NFASC: variants seen among roughly 807,000 people sequenced by gnomAD.
The protein encoded by NFASC is neurofascin homolog.
Under a neutral mutation model 147.5 loss-of-function variants are expected in NFASC, and 43 were observed. That is an observed-to-expected ratio of 0.29 (90% CI 0.23 to 0.38). The LOEUF is 0.38. Among genes scored for constraint, NFASC ranks in the 10% least tolerant of loss-of-function variants. The pLI is 1.00. For synonymous variants in NFASC, 622 were observed against 665.5 expected, an observed-to-expected ratio of 0.93 and a Z score of 1.01; for missense variants, 1,320 against 1,689.0, an observed-to-expected ratio of 0.78 and a Z score of 3.83.
At chr1:204,845,827 A>G (rs1168994672) in intron 1 of NFASC, among the ~76,000 whole-genome samples, 3 of 152,200 alleles carry the variant, frequency 2.0e-5, no homozygotes, top group Non-Finnish European at 4.4e-5. Flanking sequence ...GCTTGAGCCC[A>G]GAAGTTTCAG....
intron 1 of NFASC, among the ~76,000 whole-genome samples, chr1:204,887,147 C>A (rs1015842485): frequency 3.9e-5 from 6 of 152,184 alleles, no homozygotes; most frequent in Admixed American, 2.0e-4. Context: ...TAAACAATAA[C>A]TCCCTATTCC....
At position 204,979,369 on chromosome 1, in the gene NFASC, C is replaced by A. The variant is rs751878525; in HGVS notation, c.1986C>A (p.Val662=). Residue 662 remains valine, a synonymous_variant, in exon 19 of 30, where the codon GTC becomes GTA. Transcript: ENST00000339876. The surrounding 1 kb of genome is among the most constrained non-coding windows in gnomAD (Gnocchi z 6.0). ...DANNSPITDY[V]VQFEEDQFQP... The stretch of plus-strand genomic sequence containing the variant: ...TTTTCCTTGCCCACTCAGACTACGT[C>A]GTCCAGTTTGAAGAAGACCAGTTCC... 1.2e-6 allele frequency: 2 copies of A among 1,613,944 alleles called. No individual in the cohort carries two copies. The highest frequency in any genetic ancestry group is 8.5e-7 in the Non-Finnish European group (1 of 1,179,796).
At chr1:204,934,221 T>C (rs1047461968) in intron 2 of NFASC, among the ~76,000 whole-genome samples, 2 of 151,202 alleles carry the variant, frequency 1.3e-5, no homozygotes, top group South Asian at 4.2e-4. Context: ...AGTTTGGAAG[T>C]TCTGGGGAGA....
At chr1:204,860,284 G>A (rs1258602228) in intron 1 of NFASC, among the ~76,000 whole-genome samples, 1 of 152,170 alleles carries the variant, frequency 6.6e-6, no homozygotes, top group African/African-American at 2.4e-5. Flanking sequence ...CTCCCTGCAG[G>A]GGATCATTTT....
intron 3 of NFASC, chr1:204,948,702 A>G (rs1479874133): frequency 5.8e-6 from 3 of 519,022 alleles, no homozygotes; most frequent in Non-Finnish European, 1.2e-5. Flanking sequence ...TTGGATCTGG[A>G]GATTCCCTGG....
chr1:204,968,799 C>A lies in NFASC; in HGVS notation c.820C>A (p.Pro274Thr). Residue 274 changes from proline (P) to threonine (T), a missense_variant and splice_region_variant, in exon 10 of 30, where the codon CCA (proline) becomes ACA (threonine). Pro to Thr is a conservative substitution (Grantham distance 38). This residue lies in a region of NFASC where 981 missense variants were observed against 1,289.5 expected (regional missense o/e 0.76). Coordinates refer to ENST00000339876, the MANE Select transcript of NFASC (RefSeq NM_001005388.3). The surrounding 1 kb of genome is among the most constrained non-coding windows in gnomAD (Gnocchi z 5.4). ...LLLECIASGV[P>T]TPDIAWYKKG... ...TTTCCTGCTTGGCGCCTCTCCTAGC[C>A]CAACACCAGACATCGCATGGTACAA... The A allele has an allele frequency of 6.2e-7, 1 of 1,612,168 alleles. No individual in the cohort carries two copies. The highest frequency in any genetic ancestry group is 1.1e-5 in the South Asian group (1 of 90,882).
chr1:204,921,842 T>A (rs2090551082), intron 2 of NFASC, among the ~76,000 whole-genome samples: 1 of 149,874 alleles, frequency 6.7e-6, no homozygotes, highest in Non-Finnish European at 1.5e-5. Flanking sequence ...CAGATATAGT[T>A]TTTTTTTTTA....
chr1:204,830,006 G>GTGTGTGTGTGT (rs1671738105), intron 1 of NFASC, among the ~76,000 whole-genome samples: 2 of 144,102 alleles, frequency 1.4e-5, no homozygotes, highest in African/African-American at 5.2e-5. Context: ...TTTGGCATGG[G>GTGTGTGTGTGT]GTGTGTGTGT....
chr1:204,829,381 C>A (rs575769122), intron 1 of NFASC, among the ~76,000 whole-genome samples: 29 of 152,052 alleles, frequency 1.9e-4, no homozygotes, highest in South Asian at 1.5e-3. Context: ...CCTTCTCCCC[C>A]CTTTGGCTGT....
intron 2 of NFASC, among the ~76,000 whole-genome samples, chr1:204,924,287 A>C (rs2091096413): frequency 6.6e-6 from 1 of 152,230 alleles, no homozygotes; most frequent in Admixed American, 6.5e-5. Flanking sequence ...TAAATGCAGA[A>C]GGCTGCAGGG....
chr1:204,939,038 A>G lies in NFASC; in HGVS notation c.-90-5188A>G, dbSNP rs1360107057. Among the ~76,000 whole-genome samples, 21 of 123,748 alleles carry G rather than the reference A, an allele frequency of 1.7e-4. 1 individual carries two copies. In the East Asian group the frequency reaches 4.3e-3, roughly 26 times the overall value. The allele number at this position is 123,748 out of a possible 152,430, so 81.2% of individuals were successfully genotyped here. On this transcript the variant is annotated intron_variant, in intron 2 of 29. Coordinates refer to ENST00000339876, the MANE Select transcript of NFASC (RefSeq NM_001005388.3). ...TTCTCTTTTCTTCCTGTATGGATGG[A>G]TGTGTGTGTGTGTGTGTGTGTGTGT...
chr1:204,981,918 C>A lies in NFASC; in HGVS notation c.2368C>A (p.Gln790Lys). 6.2e-7 allele frequency: 1 copy of A among 1,609,442 alleles called. No homozygotes were observed. Among genetic ancestry groups the A allele is most frequent in the Non-Finnish European group, 8.5e-7 (1 of 1,177,916 alleles). Reference protein sequence around the residue: ...TVWGSRYVVGQTPVYVPYEIR... With the variant: ...TVWGSRYVVGKTPVYVPYEIR... Reference sequence around the variant, plus strand: ...GTGGGGCTCTCGCTACGTGGTGGGGCAGACCCCAGTCTACGTGCCCTATGA... The same window carrying A: ...GTGGGGCTCTCGCTACGTGGTGGGGAAGACCCCAGTCTACGTGCCCTATGA... The change falls in exon 21 of 30, where the codon CAG (glutamine) becomes AAG (lysine). Residue 790 changes from glutamine to lysine, a missense_variant. By Grantham distance (53) the Gln-to-Lys change is moderately conservative (BLOSUM62 1). Transcript: ENST00000339876.
intron 1 of NFASC, among the ~76,000 whole-genome samples, chr1:204,853,598 A>G (rs1192708580): frequency 6.6e-6 from 1 of 151,990 alleles, no homozygotes; most frequent in East Asian, 1.9e-4. Flanking sequence ...ATCTGGGGAG[A>G]CCTTTGTTGG....
At position 204,966,572 on chromosome 1, in the gene NFASC, T is replaced by C. The variant is rs550065758; in HGVS notation, c.707-1677T>C. Among the ~76,000 whole-genome samples the C allele has an allele frequency of 2.0e-5, 3 of 152,306 alleles. No homozygotes were observed. In the East Asian group the frequency reaches 5.8e-4, roughly 29 times the overall value. ...TGTCAGGCTTCCTTGGTGCTGAGAA[T>C]TGGATGCTACAAGAGTTATAGACAT... is the stretch of plus-strand genomic sequence containing the variant. On this transcript the variant is annotated intron_variant, in intron 8 of 29. Coordinates refer to ENST00000339876, the MANE Select transcript of NFASC (RefSeq NM_001005388.3).
In NFASC at chr1:204,997,208, G is replaced by A. The variant is rs765369161; in HGVS notation, c.2821G>A (p.Gly941Ser). The A allele has an allele frequency of 1.2e-6, 2 of 1,613,544 alleles. No individual in the cohort carries two copies. The highest frequency in any genetic ancestry group is 1.7e-6 in the Non-Finnish European group (2 of 1,179,740). Residue 941 changes from glycine (G) to serine (S), a missense_variant, in exon 25 of 30, where the codon GGC becomes AGC. Gly to Ser is a moderately conservative substitution (Grantham distance 56). This residue lies in a region of NFASC where 981 missense variants were observed against 1,289.5 expected (regional missense o/e 0.76). Transcript: ENST00000339876. ...GCCCCCGACTACCGTGGGTGCGACG[G>A]GCGCTGTGAGCAGTACCGATGCTAC... The part of the protein sequence containing the change: ...TLPPTTVGAT[G>S]AVSSTDATAI...
In NFASC at chr1:205,010,020, T is replaced by TGTCCC. The variant is rs2096222283; in HGVS notation, c.3421+332_3421+333insGTCCC. On this transcript the variant is annotated intron_variant, in intron 28 of 29. Coordinates refer to ENST00000339876, the MANE Select transcript of NFASC (RefSeq NM_001005388.3). This position sits in a 1 kb window ranked among gnomAD's most constrained non-coding sequence, Gnocchi z 4.1. ...TGGCTTTTTTTCAGCCTGAATCTCA[T>TGTCCC]TAGGATCCTGTGTCCCAGGGAAGGA... The TGTCCC allele has an allele frequency of 3.6e-6, 1 of 280,368 alleles. No individual in the cohort carries two copies. The highest frequency in any genetic ancestry group is 4.5e-5 in the Admixed American group (1 of 22,118). The allele number at this position is 280,368 out of a possible 1,614,324, so 17.4% of individuals were successfully genotyped here.
rs770018291 is a variant in NFASC at position 204,981,867 on chromosome 1, C to T, written c.2317C>T (p.Arg773Ter). The change falls in exon 21 of 30, where the codon CGA becomes TGA. Residue 773 changes from arginine (R) to a stop codon, truncating the protein, a stop_gained. Transcript: ENST00000339876. LOFTEE classifies it high-confidence loss of function. Reference protein sequence around the residue: ...YIVKWRRRETREAWNNVTVWG... With the variant: ...YIVKWRRRET ...TGTCAAGTGGAGGCGGAGAGAGACT[C>T]GAGAGGCCTGGAACAACGTCACAGT... is the stretch of plus-strand genomic sequence containing the variant. The T allele has an allele frequency of 6.2e-7, 1 of 1,605,188 alleles. No homozygotes were observed. Among genetic ancestry groups the T allele is most frequent in the Non-Finnish European group, 8.5e-7 (1 of 1,175,912 alleles).
chr1:204,961,459 G>A (rs1017153961), intron 8 of NFASC, among the ~76,000 whole-genome samples: 8 of 152,200 alleles, frequency 5.3e-5, no homozygotes, highest in South Asian at 2.1e-4. Flanking sequence ...AACCTCTCCC[G>A]GCATCCTCAC....
intron 1 of NFASC, among the ~76,000 whole-genome samples, chr1:204,862,949 C>T (rs2076791683): frequency 6.6e-6 from 1 of 152,216 alleles, no homozygotes; most frequent in South Asian, 2.1e-4. Flanking sequence ...TTGGACCAAG[C>T]ACTTAGGCCA....
Sources: allele counts gnomAD v4.1 joint callset (sites outside exome capture counted in the v4.1 genomes callset), GRCh38; gene constraint gnomAD v4.1.1; regional missense constraint gnomAD v4.1.1; non-coding constraint Gnocchi (gnomAD v3.1); transcripts MANE v1.5; gene names NCBI Gene and HGNC (gene_info 2026-07-23, HGNC 2026-07-21).